DEF8: variants seen among roughly 807,000 people sequenced by gnomAD.
The protein encoded by DEF8 is differentially expressed in FDCP 8 homolog.
In DEF8, 38 loss-of-function variants were observed where a neutral mutation model predicts 59.1. The observed-to-expected ratio is 0.64, with a 90% CI of 0.50 to 0.84. The LOEUF is 0.84. Ranked by LOEUF, DEF8 falls within the 40% of genes least tolerant of loss-of-function variation. The pLI, the probability that DEF8 is intolerant of heterozygous loss-of-function variation, is 0.00. For synonymous variants in DEF8, 265 were observed against 250.1 expected (o/e 1.06, Z -0.56); for missense variants, 557 against 615.2 (o/e 0.91, Z 1.00).
rs558177431 is a variant in DEF8, at chr16:89,967,112, G to A, written c.*1149G>A. On this transcript the variant is annotated 3_prime_UTR_variant, in exon 13 of 13. Transcript: ENST00000563594. Reference sequence around the variant, plus strand: ...TTTACAGATCCTGCGGTCCACGAGGGGCCTCAGGAGAGGACGTGTCAGGAC... The same window carrying A: ...TTTACAGATCCTGCGGTCCACGAGGAGCCTCAGGAGAGGACGTGTCAGGAC... 91 of 396,132 alleles carry A rather than the reference G, an allele frequency of 2.3e-4. No homozygotes were observed. In the Middle Eastern group the frequency reaches 2.5e-3, roughly 11 times the overall value. 24.5% of individuals were successfully genotyped at this position (396,132 alleles called of 1,614,324 possible).
At chr16:89,959,678 T>A (rs998088845) in intron 6 of DEF8, among the ~76,000 whole-genome samples, 6 of 152,144 alleles carry the variant, frequency 3.9e-5, no homozygotes, top group African/African-American at 1.4e-4. Flanking sequence ...GTATTTTTTT[T>A]AGTAGAGACG....
intron 4 of DEF8, 78 bp downstream of exon 4, chr16:89,955,344 C>A: frequency 8.1e-7 from 1 of 1,233,716 alleles, no homozygotes; most frequent in Non-Finnish European, 1.2e-6. Flanking sequence ...CCTTGTCACT[C>A]CCTCCCAGGT....
chr16:89,949,928 C>T, intron 2 of DEF8: 2 of 802,316 alleles, frequency 2.5e-6, no homozygotes, highest in Non-Finnish European at 1.7e-6. Flanking sequence ...CTGTGGCCGG[C>T]ATCCCCAGGT....
At chr16:89,951,121 A>G (rs113913917) in intron 2 of DEF8, among the ~76,000 whole-genome samples, 113 of 152,318 alleles carry the variant, frequency 7.4e-4, no homozygotes, top group African/African-American at 2.6e-3. Context: ...CCCATTTGAG[A>G]CATGGGAGAA....
rs774626223 is a variant in DEF8 at position 89,954,277 on chromosome 16, C to T, written c.25C>T (p.Arg9Cys). 5.6e-6 allele frequency: 9 copies of T among 1,613,188 alleles called. No homozygotes were observed. Among genetic ancestry groups the T allele is most frequent in the South Asian group, 2.2e-5 (2 of 91,046 alleles). ...TATGGAATATGATGAGAAGCTGGCC[C>T]GTTTCCGGCAGGCCCACCTCAACCC... MEYDEKLA[R>C]FRQAHLNPFN... Residue 9 changes from arginine (R) to cysteine (C), a missense_variant, in exon 3 of 13, where the codon CGT (arginine) becomes TGT (cysteine). Physicochemically the swap from Arg to Cys is radical, Grantham distance 180 (BLOSUM62 -3). Transcript: ENST00000563594. This position sits in a 1 kb window ranked among gnomAD's most constrained non-coding sequence, Gnocchi z 4.3.
intron 8 of DEF8, 40 bp downstream of exon 8, chr16:89,961,904 G>A: frequency 6.3e-7 from 1 of 1,596,948 alleles, no homozygotes; most frequent in Non-Finnish European, 8.6e-7. Flanking sequence ...TGGGGAGGGA[G>A]AGCAGGAAGG....
At chr16:89,949,342 G>C (rs2151111783) in intron 1 of DEF8, 75 bp from the exon 2 acceptor site, 1 of 1,247,996 alleles carries the variant, frequency 8.0e-7, no homozygotes, top group African/African-American at 1.5e-5. Context: ...CCCCCGAGGA[G>C]CCCGGGAGAC....
chr16:89,951,978 C>T (rs900025643), intron 2 of DEF8, among the ~76,000 whole-genome samples: 4 of 151,876 alleles, frequency 2.6e-5, no homozygotes, highest in South Asian at 2.1e-4. Context: ...CCTGGGTTCA[C>T]GCTATTCTGC....
At chr16:89,952,724 CCT>C (rs1163441551) in intron 2 of DEF8, 1 of 152,280 alleles carries the variant, frequency 6.6e-6, no homozygotes, top group African/African-American at 2.4e-5. Context: ...ACTCACGTTC[CCT>C]GTGTCTTCCC....
Position 89,959,018 on chromosome 16 carries a change from C to G in DEF8, c.377C>G (p.Pro126Arg). The G allele has an allele frequency of 6.2e-7, 1 of 1,611,654 alleles. No homozygotes were observed. Among genetic ancestry groups the G allele is most frequent in the Non-Finnish European group, 8.5e-7 (1 of 1,180,016 alleles). ...LRLKLQELKD[P>R]NEDEPNIRVL... The stretch of plus-strand genomic sequence containing the variant: ...TCCCTGACTCACCCTCTGCAGGACC[C>G]CAATGAGGATGAGCCAAACATCCGA... The change falls in exon 6 of 13, where the codon CCC becomes CGC. Residue 126 changes from proline (P) to arginine (R), a missense_variant. Coordinates refer to ENST00000563594, the MANE Select transcript of DEF8 (RefSeq NM_001242818.2).
chr16:89,953,910 C>T (rs61397025), intron 2 of DEF8, among the ~76,000 whole-genome samples: 1 of 152,306 alleles, frequency 6.6e-6, no homozygotes, highest in East Asian at 1.9e-4. Flanking sequence ...ATAGGTAGCT[C>T]TAGGGCTGGA....
chr16:89,955,714 C>T (rs1234364187), intron 4 of DEF8, among the ~76,000 whole-genome samples: 1 of 152,086 alleles, frequency 6.6e-6, no homozygotes, highest in African/African-American at 2.4e-5. Context: ...CTTGTTTGTT[C>T]CGTGTTTTGT....
intron 4 of DEF8, among the ~76,000 whole-genome samples, chr16:89,956,366 A>G (rs1350898228): frequency 2.0e-5 from 3 of 151,706 alleles, no homozygotes; most frequent in Non-Finnish European, 2.9e-5. Flanking sequence ...AGGCTGAGGC[A>G]GGAGAATCGC....
rs1469530610 is a variant in DEF8 at position 89,964,203 on chromosome 16, G to A, written c.1036G>A (p.Glu346Lys). The change falls in exon 11 of 13, where the codon GAG becomes AAG. Residue 346 changes from glutamate to lysine, a missense_variant. Transcript: ENST00000563594. The part of the protein sequence containing the change: ...QDRQHFVEND[E>K]MYSVQDLLDV... ...TCGGCAGCATTTTGTGGAGAACGAC[G>A]AGATGTACTCTGTCCAGGACCTCCT... 1.2e-6 allele frequency: 2 copies of A among 1,613,824 alleles called. No homozygotes were observed. The highest frequency in any genetic ancestry group is 1.7e-6 in the Non-Finnish European group (2 of 1,179,924).
rs201486233 is a variant in DEF8, at chr16:89,959,058, C to T, written c.417C>T (p.His139=). 4 of 1,613,640 alleles carry T rather than the reference C, an allele frequency of 2.5e-6. No individual in the cohort carries two copies. In the East Asian group the frequency reaches 6.7e-5, roughly 27 times the overall value. ...CAAACATCCGAGTGCTCCTTGAGCA[C>T]CGCTTTTACAAGGAGAAGAGCAAGA... The part of the protein sequence containing the change: ...DEPNIRVLLE[H]RFYKEKSKSV... The change falls in exon 6 of 13, where the codon CAC becomes CAT. Residue 139 remains histidine (H), a synonymous_variant. Coordinates refer to ENST00000563594, the MANE Select transcript of DEF8 (RefSeq NM_001242818.2).
chr16:89,951,733 A>G (rs1296673627), intron 2 of DEF8, among the ~76,000 whole-genome samples: 8 of 152,182 alleles, frequency 5.3e-5, no homozygotes, highest in Non-Finnish European at 1.0e-4. Flanking sequence ...TCTGCATTCC[A>G]GGCAGCAGGA....
At position 89,967,141 on chromosome 16, in the gene DEF8, G is replaced by C; in HGVS notation, c.*1178G>C. ...TCAGGAGAGGACGTGTCAGGACGTG[G>C]CTTCCCAGCCTTCTGCCTTGGGCAG... On this transcript the variant is annotated 3_prime_UTR_variant, in exon 13 of 13. Coordinates refer to ENST00000563594, the MANE Select transcript of DEF8 (RefSeq NM_001242818.2). The C allele has an allele frequency of 2.5e-6, 1 of 397,136 alleles. No homozygotes were observed. Among genetic ancestry groups the C allele is most frequent in the Non-Finnish European group, 4.4e-6 (1 of 225,742 alleles). 24.6% of individuals were successfully genotyped at this position (397,136 alleles called of 1,614,324 possible).
chr16:89,963,575 A>G (rs1388116523), intron 10 of DEF8, 132 bp downstream of exon 10: 2 of 665,538 alleles, frequency 3.0e-6, no homozygotes, highest in African/African-American at 3.6e-5. Flanking sequence ...CCACGGTCCC[A>G]AGGAACAAAG....
At chr16:89,963,146 G>A (rs2151211711) in intron 9 of DEF8, among the ~76,000 whole-genome samples, 1 of 152,354 alleles carries the variant, frequency 6.6e-6, no homozygotes. Context: ...GGTGAGGGCA[G>A]AGGGAAGGGA....
Sources: allele counts gnomAD v4.1 joint callset (sites outside exome capture counted in the v4.1 genomes callset), GRCh38; gene constraint gnomAD v4.1.1; non-coding constraint Gnocchi (gnomAD v3.1); transcripts MANE v1.5; gene names NCBI Gene and HGNC (gene_info 2026-07-23, HGNC 2026-07-21).